Variants in PDZRN3 observed in about 807,000 individuals in gnomAD.
The protein encoded by PDZRN3 is PDZ domain containing ring finger 3.
A neutral mutation model predicts 85.7 loss-of-function variants in PDZRN3; 38 were observed. That is an observed-to-expected ratio of 0.44 (90% CI 0.34 to 0.58). PDZRN3 has a LOEUF of 0.58. Among genes scored for constraint, PDZRN3 ranks in the 20% least tolerant of loss-of-function variants. The probability of loss-of-function intolerance (pLI) is 0.01; values close to 1 mark genes in which losing one functional copy is unlikely to be tolerated. For missense variants in PDZRN3, 1,629 were observed against 1,506.4 expected (o/e 1.08, Z -1.35); for synonymous variants, 759 against 638.0 (o/e 1.19, Z -2.86).
intron 3 of PDZRN3, among the ~76,000 whole-genome samples, chr3:73,462,705 A>G (rs140898661): frequency 1.1e-3 from 169 of 152,326 alleles, no homozygotes; most frequent in African/African-American, 3.8e-3. Flanking sequence ...ACCTCTCTGC[A>G]TGTGGTGGAA....
intron 3 of PDZRN3, among the ~76,000 whole-genome samples, chr3:73,449,359 C>T (rs1387966244): frequency 6.6e-6 from 1 of 151,322 alleles, no homozygotes; most frequent in Non-Finnish European, 1.5e-5. Context: ...AGTTAAACAT[C>T]AGTCTTTAAA....
chr3:73,493,264 G>A (rs966611292), intron 3 of PDZRN3, among the ~76,000 whole-genome samples: 1 of 152,132 alleles, frequency 6.6e-6, no homozygotes. Flanking sequence ...GCCCCATGGA[G>A]TGGGGAGGAC....
chr3:73,529,464 C>G (rs747442514), intron 3 of PDZRN3, among the ~76,000 whole-genome samples: 18 of 152,206 alleles, frequency 1.2e-4, no homozygotes, highest in Non-Finnish European at 2.1e-4. Context: ...GCTCTGTACC[C>G]CTGCTACAGT....
At chr3:73,607,371 A>G (rs1392009080) in intron 2 of PDZRN3, among the ~76,000 whole-genome samples, 1 of 152,100 alleles carries the variant, frequency 6.6e-6, no homozygotes, top group Admixed American at 6.6e-5. Context: ...TTCCTGTTCA[A>G]CCTTCTGAAC....
At position 73,383,954 on chromosome 3, in the gene PDZRN3, G is replaced by C. The variant is rs1472294841; in HGVS notation, c.2612C>G (p.Ala871Gly). Reference sequence around the variant, plus strand: ...GTGCTGGGCGTGCGCCGGGATGTGCGCGTGCTTGTATGGGGAGTGGTGATA... The same window carrying C: ...GTGCTGGGCGTGCGCCGGGATGTGCCCGTGCTTGTATGGGGAGTGGTGATA... ...PSYHHSPYKH[A>G]HIPAHAQHYQ... Residue 871 changes from alanine (A) to glycine (G), a missense_variant, in exon 10 of 10, where the codon GCG becomes GGG. Ala to Gly is a moderately conservative substitution (Grantham distance 60, BLOSUM62 0). Transcript: ENST00000263666. 5 of 1,601,254 alleles carry C rather than the reference G, an allele frequency of 3.1e-6. No homozygotes were observed. The highest frequency in any genetic ancestry group is 4.3e-6 in the Non-Finnish European group (5 of 1,174,538).
Position 73,384,915 on chromosome 3 carries a change from C to G in PDZRN3, c.1651G>C (p.Asp551His), listed in dbSNP as rs1307609232. 6.2e-7 allele frequency: 1 copy of G among 1,600,152 alleles called. No homozygotes were observed. The highest frequency in any genetic ancestry group is 8.5e-7 in the Non-Finnish European group (1 of 1,172,186). Residue 551 changes from aspartate (D) to histidine (H), a missense_variant, in exon 10 of 10, where the codon GAC becomes CAC. Transcript: ENST00000263666. ...GTGGCTGTATCTGTGGTCCCACCGTCTTCGTCGTGCTTCTTCTGCATAAAC... is the reference window on the plus strand; with the variant it reads ...GTGGCTGTATCTGTGGTCCCACCGTGTTCGTCGTGCTTCTTCTGCATAAAC... ...SVLQQKKHDEDGGTTDTATIL... is the reference protein window; with the variant it reads ...SVLQQKKHDEHGGTTDTATIL...
chr3:73,383,848 G>A lies in PDZRN3; in HGVS notation c.2718C>T (p.Cys906=), dbSNP rs1244325719. The change falls in exon 10 of 10, where the codon TGC becomes TGT. Residue 906 remains cysteine (C), a synonymous_variant. Transcript: ENST00000263666. ...ACGGGGTGGGAGAGCTCAGGTCCTT[G>A]CACATGCTCACCAGGCTCATCTGGC... is the stretch of plus-strand genomic sequence containing the variant. The part of the protein sequence containing the change: ...AQSQMSLVSM[C]KDLSSPTPSE... The A allele has an allele frequency of 1.2e-6, 2 of 1,613,714 alleles. No homozygotes were observed. Among genetic ancestry groups the A allele is most frequent in the East Asian group, 4.5e-5 (2 of 44,870 alleles).
chr3:73,417,463 T>G (rs1364943586), intron 3 of PDZRN3, among the ~76,000 whole-genome samples: 1 of 152,174 alleles, frequency 6.6e-6, no homozygotes, highest in African/African-American at 2.4e-5. Context: ...GAAATACCAT[T>G]TCATTGCTTA....
intron 1 of PDZRN3, among the ~76,000 whole-genome samples, chr3:73,610,007 G>T (rs184684625): frequency 6.6e-6 from 1 of 152,302 alleles, no homozygotes; most frequent in Non-Finnish European, 1.5e-5. Flanking sequence ...TCACCATGTA[G>T]AATTATCTCC....
intron 3 of PDZRN3, among the ~76,000 whole-genome samples, chr3:73,579,705 TAAG>T (rs1365459057): frequency 6.6e-6 from 1 of 152,038 alleles, no homozygotes; most frequent in Non-Finnish European, 1.5e-5. Context: ...CTGAGAGAAG[TAAG>T]AAGCCCGCCA....
At chr3:73,482,090 C>T (rs181164099) in intron 3 of PDZRN3, among the ~76,000 whole-genome samples, 95 of 152,246 alleles carry the variant, frequency 6.2e-4, no homozygotes, top group African/African-American at 2.2e-3. Context: ...CACTCTGGAG[C>T]CATGGGTGGA....
intron 3 of PDZRN3, among the ~76,000 whole-genome samples, chr3:73,570,586 T>A (rs1438459558): frequency 6.6e-6 from 1 of 152,188 alleles, no homozygotes; most frequent in Admixed American, 6.5e-5. Context: ...GAAGGAATCC[T>A]CTCTAAGATA....
intron 5 of PDZRN3, among the ~76,000 whole-genome samples, chr3:73,393,808 AGATTT>A (rs954080016): frequency 1.8e-4 from 28 of 152,314 alleles, no homozygotes; most frequent in Non-Finnish European, 3.4e-4. Context: ...GAAAACGATT[AGATTT>A]ATTTGGCCTA....
chr3:73,435,579 C>T (rs1400303512), intron 3 of PDZRN3, among the ~76,000 whole-genome samples: 1 of 152,210 alleles, frequency 6.6e-6, no homozygotes, highest in Non-Finnish European at 1.5e-5. Context: ...TATTTCTTCA[C>T]TCTCCTTGCC....
In PDZRN3 at chr3:73,624,504, C is replaced by T. The variant is rs1257240173; in HGVS notation, c.322G>A (p.Ala108Thr). The T allele has an allele frequency of 7.0e-7, 1 of 1,433,054 alleles. No individual in the cohort carries two copies. The highest frequency in any genetic ancestry group is 9.1e-7 in the Non-Finnish European group (1 of 1,100,548). The allele number at this position is 1,433,054 out of a possible 1,614,324, so 88.8% of individuals were successfully genotyped here. The change falls in exon 1 of 10, where the codon GCG becomes ACG. Residue 108 changes from alanine to threonine, a missense_variant. Ala to Thr is a moderately conservative substitution (Grantham distance 58). Transcript: ENST00000263666. The stretch of plus-strand genomic sequence containing the variant: ...CCCGCGTGGCGACAGCGCGCGGGCG[C>T]GAAGTCGCAGCGCTCGAGGTGCTCC... Reference protein sequence around the residue: ...LPEHLERCDFAPARCRHAGCG... With the variant: ...LPEHLERCDFTPARCRHAGCG...
At chr3:73,428,081 AAGG>A (rs1020513826) in intron 3 of PDZRN3, among the ~76,000 whole-genome samples, 1 of 152,132 alleles carries the variant, frequency 6.6e-6, no homozygotes, top group African/African-American at 2.4e-5. Flanking sequence ...TGGGTCTTGA[AAGG>A]AGGCCTGCAG....
chr3:73,560,509 C>A (rs1479172985), intron 3 of PDZRN3, among the ~76,000 whole-genome samples: 1 of 152,162 alleles, frequency 6.6e-6, no homozygotes, highest in Non-Finnish European at 1.5e-5. Context: ...GGTGGAAGAA[C>A]CGGGAAATCA....
At position 73,492,487 on chromosome 3, in the gene PDZRN3, A is replaced by G. The variant is rs536983745; in HGVS notation, c.919-88092T>C. 2.6e-5 allele frequency among the ~76,000 whole-genome samples: 4 copies of G among 152,342 alleles called. No individual in the cohort carries two copies. The South Asian group carries it at 8.3e-4, about 32-fold the overall frequency. On this transcript the variant is annotated intron_variant, in intron 3 of 9. Transcript: ENST00000263666. ...GGGACTTAACAATTATCCAAAGCAC[A>G]CGTGAAGGGTATTCATTGGATGTCT...
At position 73,561,628 on chromosome 3, in the gene PDZRN3, G is replaced by A. The variant is rs9968180; in HGVS notation, c.918+40726C>T. 1.5e-3 allele frequency: 227 copies of A among 152,332 alleles called. 2 individuals are homozygous for A. The highest frequency in any genetic ancestry group is 4.5e-3 in the African/African-American group (188 of 41,574). The allele number at this position is 152,332 out of a possible 1,614,324, so 9.4% of individuals were successfully genotyped here. On this transcript the variant is annotated intron_variant, in intron 3 of 9. Coordinates refer to ENST00000263666, the MANE Select transcript of PDZRN3 (RefSeq NM_015009.3). ...GCAAGGCTATTATATAAGAAAGGCT[G>A]AACTGAACTACTGTTGAAAAATGAT...
Sources: allele counts gnomAD v4.1 joint callset (sites outside exome capture counted in the v4.1 genomes callset), GRCh38; gene constraint gnomAD v4.1.1; transcripts MANE v1.5; gene names NCBI Gene and HGNC (gene_info 2026-07-23, HGNC 2026-07-21).